The following RBFOX1 variants were observed in gnomAD, a reference collection of about 807,000 sequenced individuals.
RBFOX1 encodes the protein RNA binding protein fox-1 homolog 1.
In RBFOX1, 8 loss-of-function variants were observed where a neutral mutation model predicts 57.7. The ratio of observed to expected loss-of-function variants is 0.14; its 90% CI spans 0.08 to 0.25. The LOEUF (loss-of-function observed/expected upper bound fraction) is 0.25, where lower values mean the gene tolerates loss of function less well. RBFOX1 is among the 10% of genes least tolerant of loss of function. The pLI, the probability that RBFOX1 is intolerant of heterozygous loss-of-function variation, is 1.00. For synonymous variants in RBFOX1, 326 were observed against 222.4 expected, an observed-to-expected ratio of 1.47 and a Z score of -4.15; for missense variants, 611 against 548.5, an observed-to-expected ratio of 1.11 and a Z score of -1.14.
chr16:7,381,227 C>A (rs145670932), intron 4 of RBFOX1, among the ~76,000 whole-genome samples: 6 of 152,282 alleles, frequency 3.9e-5, no homozygotes, highest in African/African-American at 1.4e-4. Context: ...GAGGCCGTGT[C>A]TCTCAAACCC....
chr16:7,183,710 T>A (rs1342375015), intron 4 of RBFOX1, among the ~76,000 whole-genome samples: 1 of 152,180 alleles, frequency 6.6e-6, no homozygotes, highest in African/African-American at 2.4e-5. Flanking sequence ...TGACTCACAC[T>A]GAACACAAGC....
At chr16:7,371,941 C>A (rs1167422131) in intron 4 of RBFOX1, among the ~76,000 whole-genome samples, 1 of 151,972 alleles carries the variant, frequency 6.6e-6, no homozygotes, top group Admixed American at 6.5e-5. Flanking sequence ...TGTGACATAC[C>A]TTATTTAAGT....
chr16:6,769,745 A>G (rs966544930), intron 3 of RBFOX1, among the ~76,000 whole-genome samples: 1 of 152,188 alleles, frequency 6.6e-6, no homozygotes, highest in African/African-American at 2.4e-5. Flanking sequence ...TTTGGGTACA[A>G]ATCTAACAAA....
chr16:5,347,983 C>A (rs917321569), intron 1 of RBFOX1, among the ~76,000 whole-genome samples: 5 of 144,418 alleles, frequency 3.5e-5, no homozygotes, highest in Non-Finnish European at 7.6e-5. Flanking sequence ...ACCCATCGAT[C>A]CATCTACCTG....
chr16:6,773,944 T>G, intron 3 of RBFOX1: 14 of 985,388 alleles, frequency 1.4e-5, no homozygotes, highest in Non-Finnish European at 1.7e-5. Flanking sequence ...TTTGTGTGTG[T>G]GCACACGCAC....
chr16:7,166,185 T>C (rs2079473004), intron 4 of RBFOX1, among the ~76,000 whole-genome samples: 1 of 152,122 alleles, frequency 6.6e-6, no homozygotes, highest in Non-Finnish European at 1.5e-5. Flanking sequence ...AGCTAATTTT[T>C]GTATTGTCAG....
intron 2 of RBFOX1, among the ~76,000 whole-genome samples, chr16:5,585,889 C>T (rs2046814247): frequency 1.3e-5 from 2 of 152,254 alleles, no homozygotes; most frequent in South Asian, 2.1e-4. Context: ...TGAATAGTGG[C>T]TCCCAAAAGA....
At chr16:6,286,512 A>C (rs1040853678) in intron 1 of RBFOX1, among the ~76,000 whole-genome samples, 28 of 152,200 alleles carry the variant, frequency 1.8e-4, no homozygotes, top group African/African-American at 6.0e-4. Flanking sequence ...TGTTGCAAGG[A>C]ATGGAAATGA....
chr16:6,512,285 A>AAAAAAAAAAAAAAAAAAAAAAAAAAG (rs2096271181), intron 2 of RBFOX1, among the ~76,000 whole-genome samples: 1 of 138,960 alleles, frequency 7.2e-6, no homozygotes, highest in East Asian at 2.0e-4. Flanking sequence ...CCCTGTATCA[A>AAAAAAAAAAAAAAAAAAAAAAAAAAG]AAAAAAAAAA....
chr16:7,689,020 C>A (rs148407482), intron 14 of RBFOX1, among the ~76,000 whole-genome samples: 1 of 152,056 alleles, frequency 6.6e-6, no homozygotes. Flanking sequence ...TTCACCTCTA[C>A]CACTTAACAG....
chr16:7,479,589 G>T (rs990853036), intron 4 of RBFOX1, among the ~76,000 whole-genome samples: 4 of 152,188 alleles, frequency 2.6e-5, no homozygotes, highest in Non-Finnish European at 5.9e-5. Context: ...TGTGAAGCAT[G>T]AAACAGGTAC....
chr16:7,478,506 G>C (rs2063199680), intron 4 of RBFOX1, among the ~76,000 whole-genome samples: 1 of 152,160 alleles, frequency 6.6e-6, no homozygotes, highest in African/African-American at 2.4e-5. Flanking sequence ...GGCTAGAGAG[G>C]GGGAGTCCCT....
intron 4 of RBFOX1, among the ~76,000 whole-genome samples, chr16:6,001,518 A>T (rs969616426): frequency 6.6e-6 from 1 of 152,072 alleles, no homozygotes; most frequent in Non-Finnish European, 1.5e-5. Flanking sequence ...ATCATGTCTA[A>T]CTCCAGAGTC....
intron 4 of RBFOX1, among the ~76,000 whole-genome samples, chr16:7,444,857 G>A (rs1015042225): frequency 6.6e-6 from 1 of 152,120 alleles, no homozygotes; most frequent in Non-Finnish European, 1.5e-5. Flanking sequence ...ATCCTGGCCT[G>A]TATTTAAAGG....
chr16:5,699,234 C>T (rs2050948546), intron 3 of RBFOX1, among the ~76,000 whole-genome samples: 1 of 152,034 alleles, frequency 6.6e-6, no homozygotes, highest in African/African-American at 2.4e-5. Flanking sequence ...GATACATCTG[C>T]CTTGGCCTCC....
At chr16:6,065,778 G>A (rs2095753596) in intron 1 of RBFOX1, among the ~76,000 whole-genome samples, 1 of 152,122 alleles carries the variant, frequency 6.6e-6, no homozygotes, top group Non-Finnish European at 1.5e-5. Flanking sequence ...ACAGCCTCAT[G>A]GGATGAATAT....
intron 1 of RBFOX1, among the ~76,000 whole-genome samples, chr16:6,235,934 A>C (rs1432919315): frequency 6.6e-6 from 1 of 152,156 alleles, no homozygotes; most frequent in African/African-American, 2.4e-5. Context: ...TGGGTGCCCC[A>C]AAATCTCACA....
intron 2 of RBFOX1, among the ~76,000 whole-genome samples, chr16:6,459,314 C>T (rs535090029): frequency 2.5e-4 from 38 of 152,224 alleles, no homozygotes; most frequent in African/African-American, 5.3e-4. Flanking sequence ...CCAGCCTGGG[C>T]GACAGAGGGC....
chr16:6,723,114 G>A (rs915381827), intron 3 of RBFOX1, among the ~76,000 whole-genome samples: 2 of 152,162 alleles, frequency 1.3e-5, no homozygotes, highest in Non-Finnish European at 1.5e-5. Flanking sequence ...TTTTCACAAC[G>A]TGTTTGTCTT....
Sources: allele counts gnomAD v4.1 joint callset (sites outside exome capture counted in the v4.1 genomes callset), GRCh38; gene constraint gnomAD v4.1.1; transcripts MANE v1.5; gene names NCBI Gene and HGNC (gene_info 2026-07-23, HGNC 2026-07-21).